HAS3: variants seen among roughly 807,000 people sequenced by gnomAD.
HAS3 encodes the protein HA synthase 3.
A neutral mutation model predicts 50.3 loss-of-function variants in HAS3; 27 were observed. That is an observed-to-expected ratio of 0.54 (90% CI 0.40 to 0.74). HAS3 has a LOEUF of 0.74. Ranked by LOEUF, HAS3 falls within the 30% of genes least tolerant of loss-of-function variation. HAS3 has a pLI of 0.00. For synonymous variants in HAS3, 339 were observed against 310.9 expected (o/e 1.09, Z -0.95); for missense variants, 517 against 742.8 (o/e 0.70, Z 3.53).
upstream of HAS3, among the ~76,000 whole-genome samples, chr16:69,104,279 CTTTTCTTTTT>C (rs1960729747): frequency 7.4e-6 from 1 of 135,706 alleles, no homozygotes; most frequent in African/African-American, 2.7e-5. Context: ...TTTTTCTTTT[CTTTTCTTTTT>C]CTTTTTTTTT....
At chr16:69,118,401 C>G (rs759641278), downstream of HAS3, 37 of 1,613,038 alleles carry the variant, frequency 2.3e-5, 1 homozygote, top group South Asian at 3.7e-4. Flanking sequence ...GTCCAAGCTG[C>G]CCAGGTCAGA....
Position 69,114,281 on chromosome 16 carries a change from C to A in HAS3, c.739-62C>A. 6.6e-7 allele frequency: 1 copy of A among 1,521,032 alleles called. No individual in the cohort carries two copies. The highest frequency in any genetic ancestry group is 1.3e-5 in the South Asian group (1 of 77,510). The allele number at this position is 1,521,032 out of a possible 1,614,324, so 94.2% of individuals were successfully genotyped here. A position where few individuals can be genotyped will look rare whatever the true frequency, so the allele number is the denominator to read the frequency against. On this transcript the variant is annotated intron_variant, in intron 3 of 3. Transcript: ENST00000569188. This position sits in a 1 kb window ranked among gnomAD's most constrained non-coding sequence, Gnocchi z 6.4. ...AGCCATGGTAAGGAGGCCTCGTGGT[C>A]TCTGATGTCTGTCCTCCGGACGTGC...
In HAS3 at chr16:69,107,454, G is replaced by A; in HGVS notation, c.-1+1667G>A. 1.0e-6 allele frequency: 1 copy of A among 985,652 alleles called. No individual in the cohort carries two copies. 61.1% of individuals were successfully genotyped at this position (985,652 alleles called of 1,614,324 possible). On this transcript the variant is annotated intron_variant, in intron 1 of 3. Coordinates refer to ENST00000569188, the MANE Select transcript of HAS3 (RefSeq NM_001199280.2). This position sits in a 1 kb window ranked among gnomAD's most constrained non-coding sequence, Gnocchi z 5.5. Reference sequence around the variant, plus strand: ...CCCTTGGGTTTTCCGTTCCTTCCCGGTTGGGTCGTGGGAAAGCGGCACGTG... The same window carrying A: ...CCCTTGGGTTTTCCGTTCCTTCCCGATTGGGTCGTGGGAAAGCGGCACGTG...
At position 69,114,884 on chromosome 16, in the gene HAS3, C is replaced by T. The variant is rs1396252145; in HGVS notation, c.1280C>T (p.Ala427Val). Residue 427 changes from alanine (A) to valine (V), a missense_variant, in exon 4 of 4, where the codon GCC (alanine) becomes GTC (valine). Transcript: ENST00000569188. This position sits in a 1 kb window ranked among gnomAD's most constrained non-coding sequence, Gnocchi z 6.4. ...QLVGIIKATYACFLRGNAEMI... is the reference protein window; with the variant it reads ...QLVGIIKATYVCFLRGNAEMI... The stretch of plus-strand genomic sequence containing the variant: ...GTGGGCATTATCAAGGCCACCTACG[C>T]CTGCTTCCTTCGGGGCAATGCAGAG... The T allele has an allele frequency of 6.2e-7, 1 of 1,614,150 alleles. No homozygotes were observed. The highest frequency in any genetic ancestry group is 8.5e-7 in the Non-Finnish European group (1 of 1,180,040).
chr16:69,087,729 G>GTT, the HAS3 span, among the ~76,000 whole-genome samples: 2 of 111,012 alleles, frequency 1.8e-5, no homozygotes, highest in Non-Finnish European at 3.5e-5. Flanking sequence ...TTGAGACAGA[G>GTT]TTTTGCTCTG....
rs1329271918 is a variant in HAS3, at chr16:69,107,615, G to A, written c.1-1781G>A. 3.0e-6 allele frequency: 3 copies of A among 985,370 alleles called. No individual in the cohort carries two copies. Among genetic ancestry groups the A allele is most frequent in the African/African-American group, 3.5e-5 (2 of 57,248 alleles). 61.0% of individuals were successfully genotyped at this position (985,370 alleles called of 1,614,324 possible). ...ACCGAGGCGGGGCGCCAGCGCCCAG[G>A]TTGCTGGGCTGGCCTTGGCGCCCCC... On this transcript the variant is annotated intron_variant, in intron 1 of 3. Transcript: ENST00000569188. This position sits in a 1 kb window ranked among gnomAD's most constrained non-coding sequence, Gnocchi z 5.5.
At chr16:69,113,928 G>A (rs1001990493) in intron 3 of HAS3, among the ~76,000 whole-genome samples, 6 of 152,246 alleles carry the variant, frequency 3.9e-5, no homozygotes, top group Admixed American at 1.3e-4. Context: ...AAGAATAAGG[G>A]CCCCAATCTG....
Position 69,114,129 on chromosome 16 carries a change from A to T in HAS3, c.739-214A>T, listed in dbSNP as rs1961100551. On this transcript the variant is annotated intron_variant, in intron 3 of 3. Transcript: ENST00000569188. The surrounding 1 kb of genome is among the most constrained non-coding windows in gnomAD (Gnocchi z 6.4). ...TTAGTGGGGAAAATCTCTGCAGATA[A>T]GATGACACAGTAGGGAGGTAGAGCT... is the stretch of plus-strand genomic sequence containing the variant. Among the ~76,000 whole-genome samples, 1 of 152,212 alleles carries T rather than the reference A, an allele frequency of 6.6e-6. No individual in the cohort carries two copies. Among genetic ancestry groups the T allele is most frequent in the South Asian group, 2.1e-4 (1 of 4,830 alleles).
the HAS3 span, among the ~76,000 whole-genome samples, chr16:69,086,443 T>C: frequency 6.6e-6 from 1 of 151,960 alleles, no homozygotes. Context: ...GGTTTATAGG[T>C]GTGAGCCCCC....
the HAS3 span, among the ~76,000 whole-genome samples, chr16:69,094,361 G>A: frequency 6.6e-6 from 1 of 152,030 alleles, no homozygotes; most frequent in Non-Finnish European, 1.5e-5. Context: ...ACCTTCACTG[G>A]ACCACACACC....
Position 69,105,695 on chromosome 16 carries a change from C to G in HAS3, c.-93C>G, listed in dbSNP as rs77820966. The G allele has an allele frequency of 0.013, 1,967 of 152,386 alleles. 23 individuals are homozygous for G. The highest frequency in any genetic ancestry group is 0.02 in the Non-Finnish European group (1,366 of 68,034). 9.4% of individuals were successfully genotyped at this position (152,386 alleles called of 1,614,324 possible). A position where few individuals can be genotyped will look rare whatever the true frequency, so the allele number is the denominator to read the frequency against. ...CTTTCCTGCCAGCAGGAAGGTTTTG[C>G]TGCCTTGGCTTTCGGGAGCCCCCTA... On this transcript the variant is annotated 5_prime_UTR_variant, in exon 1 of 4. Coordinates refer to ENST00000569188, the MANE Select transcript of HAS3 (RefSeq NM_001199280.2).
chr16:69,110,087 C>G (rs1960949257), intron 2 of HAS3, 56 bp downstream of exon 2: 1 of 1,501,350 alleles, frequency 6.7e-7, no homozygotes, highest in South Asian at 1.3e-5. Flanking sequence ...GACAGCCTGG[C>G]AAACTCTCCG....
At chr16:69,095,466 C>G in the HAS3 span, among the ~76,000 whole-genome samples, 1 of 152,106 alleles carries the variant, frequency 6.6e-6, no homozygotes, top group Non-Finnish European at 1.5e-5. Flanking sequence ...GAGGAGAACC[C>G]TCGGGCTGTG....
Position 69,109,246 on chromosome 16 carries a change from G to A in HAS3, c.1-150G>A. ...CTGGGATCTGAACCCCAGTAGTCTG[G>A]CTTCTGAGTCTACCAAGTCTTATGC... On this transcript the variant is annotated intron_variant, in intron 1 of 3. Coordinates refer to ENST00000569188, the MANE Select transcript of HAS3 (RefSeq NM_001199280.2). The surrounding 1 kb of genome is among the most constrained non-coding windows in gnomAD (Gnocchi z 5.3). The A allele has an allele frequency of 1.3e-6, 1 of 745,896 alleles. No homozygotes were observed. The highest frequency in any genetic ancestry group is 1.9e-5 in the South Asian group (1 of 53,138). 46.2% of individuals were successfully genotyped at this position (745,896 alleles called of 1,614,324 possible).
chr16:69,103,848 T>G (rs186553022), upstream of HAS3, among the ~76,000 whole-genome samples: 963 of 152,258 alleles, frequency 6.3e-3, 25 homozygotes, highest in South Asian at 3.5e-3. Context: ...GCCAATCTCT[T>G]CAAACTTCCT....
the HAS3 span, among the ~76,000 whole-genome samples, chr16:69,096,610 C>CCAAT: frequency 7.2e-6 from 1 of 139,606 alleles, no homozygotes; most frequent in Non-Finnish European, 1.5e-5. Context: ...AATCCCAACA[C>CCAAT]CAATTTTTTT....
chr16:69,083,668 C>G, the HAS3 span: 2 of 1,553,536 alleles, frequency 1.3e-6, no homozygotes, highest in Non-Finnish European at 1.7e-6. Flanking sequence ...GTAGACCTGG[C>G]TCCAAGGACG....
chr16:69,103,610 T>A (rs902624965), upstream of HAS3, among the ~76,000 whole-genome samples: 2 of 152,216 alleles, frequency 1.3e-5, no homozygotes. Context: ...TTGGCCAGGC[T>A]GGTCTCAAAC....
the HAS3 span, among the ~76,000 whole-genome samples, chr16:69,094,812 G>A: frequency 6.6e-6 from 1 of 152,134 alleles, no homozygotes; most frequent in Non-Finnish European, 1.5e-5. Context: ...AACGGTTGTT[G>A]AAATCTAATT....
Sources: gnomAD v4.1 joint callset for allele counts (sites outside exome capture counted in the v4.1 genomes callset) on GRCh38, gnomAD v4.1.1 for gene constraint, Gnocchi (gnomAD v3.1) non-coding constraint, MANE v1.5 for transcripts, NCBI Gene and HGNC (gene_info 2026-07-23, HGNC 2026-07-21) for gene names.